TRAPPC9: variants seen among roughly 807,000 people sequenced by gnomAD.
TRAPPC9 encodes trafficking protein particle complex subunit 9.
A neutral mutation model predicts 124.0 loss-of-function variants in TRAPPC9; 83 were observed. That is an observed-to-expected ratio of 0.67 (90% CI 0.56 to 0.80). The LOEUF (loss-of-function observed/expected upper bound fraction) is 0.80. TRAPPC9 is among the 30% of genes least tolerant of loss of function. The pLI is 0.00. For missense variants in TRAPPC9, 1,302 were observed against 1,508.3 expected, an observed-to-expected ratio of 0.86 and a Z score of 2.27; for synonymous variants, 638 against 617.5, an observed-to-expected ratio of 1.03 and a Z score of -0.49.
intron 17 of TRAPPC9, among the ~76,000 whole-genome samples, chr8:140,041,837 T>C (rs955286569): frequency 1.3e-5 from 2 of 152,142 alleles, no homozygotes; most frequent in South Asian, 2.1e-4. Flanking sequence ...CTGGGTGTGG[T>C]GGCGTGTACC....
intron 16 of TRAPPC9, among the ~76,000 whole-genome samples, chr8:140,224,528 G>A (rs2063403663): frequency 6.6e-6 from 1 of 152,274 alleles, no homozygotes; most frequent in East Asian, 1.9e-4. Context: ...AGCAAATCTG[G>A]GAAGCTTCAG....
intron 19 of TRAPPC9, among the ~76,000 whole-genome samples, chr8:139,973,218 C>T (rs1057238166): frequency 6.6e-6 from 1 of 152,212 alleles, no homozygotes; most frequent in Non-Finnish European, 1.5e-5. Flanking sequence ...CTGAGGCATC[C>T]GTCCAAGAGG....
chr8:140,077,380 G>C (rs959819440), intron 17 of TRAPPC9, among the ~76,000 whole-genome samples: 3 of 152,110 alleles, frequency 2.0e-5, no homozygotes, highest in Non-Finnish European at 2.9e-5. Flanking sequence ...ATGTAGCTTA[G>C]TGGAAAAGAA....
chr8:140,202,072 G>A (rs2062804675), intron 17 of TRAPPC9, among the ~76,000 whole-genome samples: 1 of 151,418 alleles, frequency 6.6e-6, no homozygotes, highest in South Asian at 2.1e-4. Flanking sequence ...AGTTTACAAA[G>A]TATCTGCTCT....
intron 10 of TRAPPC9, among the ~76,000 whole-genome samples, chr8:140,304,258 CT>C (rs1312206702): frequency 6.6e-6 from 1 of 152,082 alleles, no homozygotes; most frequent in African/African-American, 2.4e-5. Context: ...CCACGCCCGG[CT>C]AATTTTTGTA....
At chr8:140,454,375 A>C (rs1226472597) in intron 1 of TRAPPC9, among the ~76,000 whole-genome samples, 1 of 152,114 alleles carries the variant, frequency 6.6e-6, no homozygotes, top group African/African-American at 2.4e-5. Context: ...GTGGTGGCTC[A>C]CACCTGTAAT....
chr8:140,023,540 G>C (rs1406707123), intron 18 of TRAPPC9, among the ~76,000 whole-genome samples: 1 of 152,230 alleles, frequency 6.6e-6, no homozygotes, highest in Non-Finnish European at 1.5e-5. Context: ...GAATGATGCA[G>C]AAGAGATGCT....
intron 20 of TRAPPC9, among the ~76,000 whole-genome samples, chr8:139,887,522 C>G (rs541272517): frequency 2.0e-5 from 3 of 152,338 alleles, no homozygotes; most frequent in South Asian, 4.1e-4. Flanking sequence ...CAGTGCCCAG[C>G]CCTAGTTTAG....
rs778097166 is a variant in TRAPPC9, at chr8:140,063,344, G to A, written c.2557-39265C>T. Among the ~76,000 whole-genome samples, 20 of 152,122 alleles carry A rather than the reference G, an allele frequency of 1.3e-4. No homozygotes were observed. Among genetic ancestry groups the A allele is most frequent in the Non-Finnish European group, 2.2e-4 (15 of 68,026 alleles). ...CTGTGCTCTCACCTCACGTCACCACGCAGTCAATTCTCACGTACCTTTCAC... is the reference window on the plus strand; with the variant it reads ...CTGTGCTCTCACCTCACGTCACCACACAGTCAATTCTCACGTACCTTTCAC... On this transcript the variant is annotated intron_variant, in intron 17 of 22. Transcript: ENST00000438773. This position sits in a 1 kb window ranked among gnomAD's most constrained non-coding sequence, Gnocchi z 4.3.
At chr8:139,837,559 G>A (rs1263377796) in intron 21 of TRAPPC9, among the ~76,000 whole-genome samples, 2 of 152,194 alleles carry the variant, frequency 1.3e-5, no homozygotes, top group Non-Finnish European at 2.9e-5. Flanking sequence ...CACTGCCTCG[G>A]TCTGCTCTCA....
intron 21 of TRAPPC9, among the ~76,000 whole-genome samples, chr8:139,816,024 G>C (rs891657931): frequency 2.6e-5 from 4 of 152,232 alleles, no homozygotes; most frequent in Non-Finnish European, 4.4e-5. Flanking sequence ...TCCCGAGCCT[G>C]GATAAAACTG....
chr8:140,253,403 G>A (rs1041012039), intron 15 of TRAPPC9, among the ~76,000 whole-genome samples: 49 of 152,194 alleles, frequency 3.2e-4, no homozygotes, highest in African/African-American at 1.1e-3. Flanking sequence ...CAAGCAGGAC[G>A]CTGTGGCTCA....
At chr8:140,309,114 T>G (rs192905843) in intron 10 of TRAPPC9, among the ~76,000 whole-genome samples, 1 of 152,210 alleles carries the variant, frequency 6.6e-6, no homozygotes, top group South Asian at 2.1e-4. Context: ...CTGCCTTTTC[T>G]AATGTTTCAA....
Position 139,910,269 on chromosome 8 carries a change from C to CA in TRAPPC9, c.2841dup (p.Glu948Ter), listed in dbSNP as rs1377398622. ...TCCCCAGGGGACTCCGGGAAACTCTCAAAGTTGAACTTGTCCACTTGAATA... is the reference window on the plus strand; with the variant it reads ...TCCCCAGGGGACTCCGGGAAACTCTCAAAAGTTGAACTTGTCCACTTGAATA... On this transcript the variant is annotated frameshift_variant, in exon 20 of 23. Coordinates refer to ENST00000438773, the MANE Select transcript of TRAPPC9 (RefSeq NM_001160372.4). LOFTEE classifies it high-confidence loss of function. The CA allele has an allele frequency of 3.1e-6, 5 of 1,614,034 alleles. No homozygotes were observed. Among genetic ancestry groups the CA allele is most frequent in the Non-Finnish European group, 4.2e-6 (5 of 1,180,048 alleles).
At chr8:140,220,338 G>A (rs144136724) in intron 17 of TRAPPC9, among the ~76,000 whole-genome samples, 13 of 152,322 alleles carry the variant, frequency 8.5e-5, no homozygotes, top group Non-Finnish European at 1.3e-4. Context: ...GTGCCGTGCA[G>A]TTGCACTCTG....
chr8:139,926,874 G>A (rs147088207), intron 19 of TRAPPC9, among the ~76,000 whole-genome samples: 1 of 151,748 alleles, frequency 6.6e-6, no homozygotes, highest in Non-Finnish European at 1.5e-5. Flanking sequence ...ATATTCAAAA[G>A]CAAATCAAGA....
chr8:140,164,883 C>T (rs1219752430), intron 17 of TRAPPC9, among the ~76,000 whole-genome samples: 1 of 152,200 alleles, frequency 6.6e-6, no homozygotes, highest in Non-Finnish European at 1.5e-5. Context: ...CTCAAGCCCG[C>T]ATCATCTCTC....
chr8:140,296,429 T>C (rs923031542), intron 11 of TRAPPC9, among the ~76,000 whole-genome samples: 30 of 152,242 alleles, frequency 2.0e-4, no homozygotes, highest in African/African-American at 6.7e-4. Flanking sequence ...CAGGCCTGGC[T>C]ATTTTTTTGT....
intron 21 of TRAPPC9, among the ~76,000 whole-genome samples, chr8:139,741,274 T>C (rs1818543947): frequency 1.3e-5 from 2 of 152,188 alleles, no homozygotes; most frequent in South Asian, 4.1e-4. Flanking sequence ...TCTTGAGCAC[T>C]CGCTGTCTTC....
Sources: gnomAD v4.1 joint callset for allele counts (sites outside exome capture counted in the v4.1 genomes callset) on GRCh38, gnomAD v4.1.1 for gene constraint, Gnocchi (gnomAD v3.1) non-coding constraint, MANE v1.5 for transcripts, NCBI Gene and HGNC (gene_info 2026-07-23, HGNC 2026-07-21) for gene names.